ANK3: variants seen among roughly 807,000 people sequenced by gnomAD.
The protein encoded by ANK3 is ankyrin-3.
A neutral mutation model predicts 370.9 loss-of-function variants in ANK3; 57 were observed. That is an observed-to-expected ratio of 0.15 (90% CI 0.12 to 0.19). ANK3 has a LOEUF of 0.19. Ranked by LOEUF, ANK3 falls within the 10% of genes least tolerant of loss-of-function variation. The pLI is 1.00. For missense variants in ANK3, 4,439 were observed against 5,302.1 expected, an observed-to-expected ratio of 0.84 and a Z score of 5.06; for synonymous variants, 1,929 against 1,946.3, an observed-to-expected ratio of 0.99 and a Z score of 0.23.
At chr10:60,331,474 T>G (rs2051283528) in intron 1 of ANK3, among the ~76,000 whole-genome samples, 1 of 152,026 alleles carries the variant, frequency 6.6e-6, no homozygotes, top group Admixed American at 6.6e-5. Context: ...GACGACTTAC[T>G]TTAAAAAATT....
At chr10:60,556,079 T>A (rs991470353) in intron 2 of ANK3, among the ~76,000 whole-genome samples, 6 of 152,154 alleles carry the variant, frequency 3.9e-5, no homozygotes, top group African/African-American at 1.4e-4. Context: ...CTTTATAACA[T>A]CGCTCAGGGG....
chr10:60,311,531 G>A (rs112466688), intron 1 of ANK3, among the ~76,000 whole-genome samples: 3,349 of 147,540 alleles, frequency 0.023, 129 homozygotes, highest in African/African-American at 0.079. Flanking sequence ...GTTCCTTCTA[G>A]AAAATTTTAC....
chr10:60,124,282 C>T (rs1263795899), intron 25 of ANK3, among the ~76,000 whole-genome samples: 2 of 152,190 alleles, frequency 1.3e-5, no homozygotes, highest in African/African-American at 4.8e-5. Flanking sequence ...CTGCCTCAGC[C>T]TCCCCAGTAG....
chr10:60,206,271 G>A (rs1012300550), intron 10 of ANK3, among the ~76,000 whole-genome samples: 2 of 152,070 alleles, frequency 1.3e-5, no homozygotes, highest in African/African-American at 4.8e-5. Flanking sequence ...TCAGGAGTTC[G>A]AGACCAACCT....
chr10:60,357,790 G>C (rs2057996262), intron 1 of ANK3, among the ~76,000 whole-genome samples: 1 of 152,078 alleles, frequency 6.6e-6, no homozygotes, highest in Non-Finnish European at 1.5e-5. Flanking sequence ...TAGAGAAAAT[G>C]GATACGATGT....
At chr10:60,472,590 A>G (rs574999720) in intron 2 of ANK3, among the ~76,000 whole-genome samples, 21 of 152,194 alleles carry the variant, frequency 1.4e-4, no homozygotes, top group Non-Finnish European at 1.0e-4. Context: ...AGAGTGAGAT[A>G]TAGTTGCAGC....
intron 32 of ANK3, 56 bp from the exon 33 acceptor site, chr10:60,083,673 G>A: frequency 7.0e-7 from 1 of 1,430,902 alleles, no homozygotes; most frequent in African/African-American, 1.4e-5. Context: ...AAAATATTTT[G>A]AGATTTTATG....
Position 60,695,834 on chromosome 10 carries a change from T to G in ANK3, c.57+37429A>C, listed in dbSNP as rs2079440176. On this transcript the variant is annotated intron_variant, in intron 1 of 43. Transcript: ENST00000373827. Reference sequence around the variant, plus strand: ...AAAATTGACACCGTAACATCACAATTAAAAGAACTAGAAAAGCAAGAGCAA... The same window carrying G: ...AAAATTGACACCGTAACATCACAATGAAAAGAACTAGAAAAGCAAGAGCAA... Among the ~76,000 whole-genome samples the G allele has an allele frequency of 2.0e-5, 3 of 151,860 alleles. No homozygotes were observed. The South Asian group carries it at 6.3e-4, about 32-fold the overall frequency.
At chr10:60,166,552 T>C in intron 23 of ANK3, 39 bp downstream of exon 23, 1 of 1,456,640 alleles carries the variant, frequency 6.9e-7, no homozygotes, top group East Asian at 2.3e-5. Flanking sequence ...ATAAAGTTGG[T>C]AGTAGTTAAG....
chr10:60,303,301 C>T (rs563959616), intron 1 of ANK3, among the ~76,000 whole-genome samples: 37 of 151,932 alleles, frequency 2.4e-4, no homozygotes, highest in East Asian at 1.7e-3. Flanking sequence ...TATTTGTGAA[C>T]GATACATGTA....
At chr10:60,609,709 C>A (rs2078177018) in intron 2 of ANK3, among the ~76,000 whole-genome samples, 1 of 152,038 alleles carries the variant, frequency 6.6e-6, no homozygotes, top group Admixed American at 6.6e-5. Context: ...TTCATGGATA[C>A]CTTACCATAT....
rs770538636 is a variant in ANK3 at position 60,070,533 on chromosome 10, C to G, written c.10348G>C (p.Gly3450Arg). 1.2e-6 allele frequency: 2 copies of G among 1,614,154 alleles called. No homozygotes were observed. Among genetic ancestry groups the G allele is most frequent in the Non-Finnish European group, 1.7e-6 (2 of 1,180,018 alleles). Reference protein sequence around the residue: ...EIKKDIWNTEGILKPADRSFS... With the variant: ...EIKKDIWNTERILKPADRSFS... Reference sequence around the variant, plus strand: ...GAGCGGTCAGCTGGCTTCAGAATGCCCTCTGTGTTCCAGATATCTTTCTTA... The same window carrying G: ...GAGCGGTCAGCTGGCTTCAGAATGCGCTCTGTGTTCCAGATATCTTTCTTA... The change falls in exon 37 of 44, where the codon GGC (glycine) becomes CGC (arginine). Residue 3450 changes from glycine to arginine, a missense_variant. Gly to Arg is a moderately radical substitution (Grantham distance 125). Around this residue, in one of 13 missense-constraint regions of ANK3, gnomAD observed 1,601 missense variants for 1,731.7 expected, o/e 0.92. Coordinates refer to ENST00000280772, the MANE Select transcript of ANK3 (RefSeq NM_020987.5). This position sits in a 1 kb window ranked among gnomAD's most constrained non-coding sequence, Gnocchi z 5.7.
chr10:60,169,329 G>C (rs1033443627), intron 21 of ANK3, among the ~76,000 whole-genome samples: 1 of 142,072 alleles, frequency 7.0e-6, no homozygotes, highest in Non-Finnish European at 1.5e-5. Flanking sequence ...CAGTATACTA[G>C]TCAGATATGT....
At chr10:60,347,702 G>T (rs1006618365) in intron 1 of ANK3, among the ~76,000 whole-genome samples, 4 of 152,012 alleles carry the variant, frequency 2.6e-5, no homozygotes, top group Admixed American at 2.6e-4. Flanking sequence ...TATATCACTA[G>T]ACCTATTCGT....
intron 1 of ANK3, among the ~76,000 whole-genome samples, chr10:60,664,308 A>G (rs896995964): frequency 6.6e-6 from 1 of 152,264 alleles, no homozygotes; most frequent in African/African-American, 2.4e-5. Flanking sequence ...TGTACATGAA[A>G]TAATAGTTAT....
intron 42 of ANK3, chr10:60,053,579 T>C (rs1337553864): frequency 4.3e-6 from 4 of 940,496 alleles, no homozygotes; most frequent in Non-Finnish European, 5.7e-6. Context: ...TATCTAGGAA[T>C]TGGTAAAGGG....
At chr10:60,572,904 G>C in intron 2 of ANK3, 2 of 1,018,594 alleles carry the variant, frequency 2.0e-6, no homozygotes, top group Non-Finnish European at 2.3e-6. Context: ...GAGAGAAAGA[G>C]AGAGAGAGAC....
chr10:60,073,452 G>T lies in ANK3; in HGVS notation c.7429C>A (p.His2477Asn). The T allele has an allele frequency of 5.6e-6, 9 of 1,613,990 alleles. No homozygotes were observed. The highest frequency in any genetic ancestry group is 7.6e-6 in the Non-Finnish European group (9 of 1,179,978). ...GTAACCGATTCCTCAGTATCAGAATGAGACACATCTAGCTTTTCTGACAGA... is the reference window on the plus strand; with the variant it reads ...GTAACCGATTCCTCAGTATCAGAATTAGACACATCTAGCTTTTCTGACAGA... ...MLLSEKLDVS[H>N]SDTEESVTDH... The change falls in exon 37 of 44, where the codon CAT (histidine) becomes AAT (asparagine). Residue 2477 changes from histidine (H) to asparagine (N), a missense_variant. Physicochemically the swap from His to Asn is moderately conservative, Grantham distance 68 (BLOSUM62 1). This residue lies in a region of ANK3 where 1,601 missense variants were observed against 1,731.7 expected (regional missense o/e 0.92). Transcript: ENST00000280772.
intron 28 of ANK3, among the ~76,000 whole-genome samples, chr10:60,100,534 TTC>T (rs1335827369): frequency 6.6e-6 from 1 of 152,208 alleles, no homozygotes; most frequent in East Asian, 1.9e-4. Context: ...TTAAAAAATT[TTC>T]TGTTACATAG....
Sources: allele counts gnomAD v4.1 joint callset (sites outside exome capture counted in the v4.1 genomes callset), GRCh38; gene constraint gnomAD v4.1.1; regional missense constraint gnomAD v4.1.1; non-coding constraint Gnocchi (gnomAD v3.1); transcripts MANE v1.5; gene names NCBI Gene and HGNC (gene_info 2026-07-23, HGNC 2026-07-21).